The following MYO16 variants were observed in gnomAD, a reference collection of about 807,000 sequenced individuals.
MYO16 encodes the protein myosin XVI.
In MYO16, 94 loss-of-function variants were observed where a neutral mutation model predicts 205.3. That is an observed-to-expected ratio of 0.46 (90% CI 0.39 to 0.54). The LOEUF (loss-of-function observed/expected upper bound fraction) is 0.54. MYO16 is among the 20% of genes least tolerant of loss of function. The probability of loss-of-function intolerance (pLI) is 0.00; values close to 1 mark genes in which losing one functional copy is unlikely to be tolerated. For synonymous variants in MYO16, 988 were observed against 954.0 expected, an observed-to-expected ratio of 1.04 and a Z score of -0.66; for missense variants, 2,315 against 2,387.5, an observed-to-expected ratio of 0.97 and a Z score of 0.63.
At chr13:109,193,575 A>T (rs1880018624) in intron 34 of MYO16, among the ~76,000 whole-genome samples, 1 of 152,242 alleles carries the variant, frequency 6.6e-6, no homozygotes, top group Non-Finnish European at 1.5e-5. Flanking sequence ...GGAAAAAAAA[A>T]TTTGAGAAAT....
intron 24 of MYO16, chr13:109,048,472 G>T (rs371042629): frequency 3.7e-6 from 2 of 540,814 alleles, no homozygotes; most frequent in African/African-American, 3.8e-5. Flanking sequence ...TAAGATCCTT[G>T]TTGCAGTTAC....
chr13:108,544,693 A>G, the MYO16 span, among the ~76,000 whole-genome samples: 1 of 152,294 alleles, frequency 6.6e-6, no homozygotes, highest in African/African-American at 2.4e-5. Flanking sequence ...GGACTTATTT[A>G]TTCTTTAAAA....
chr13:108,737,597 C>A (rs1414272606), intron 4 of MYO16, among the ~76,000 whole-genome samples: 1 of 151,964 alleles, frequency 6.6e-6, no homozygotes, highest in African/African-American at 2.4e-5. Context: ...GTCTAAAATT[C>A]TTTTTTTGTT....
intron 1 of MYO16, among the ~76,000 whole-genome samples, chr13:108,665,123 T>C (rs564255266): frequency 6.6e-6 from 1 of 152,302 alleles, no homozygotes; most frequent in Admixed American, 6.5e-5. Context: ...CCCCACTCTG[T>C]TGCCCAGACT....
chr13:108,961,458 A>T, intron 17 of MYO16, 81 bp from the exon 18 acceptor site: 2 of 1,111,360 alleles, frequency 1.8e-6, no homozygotes, highest in African/African-American at 3.1e-5. Context: ...TTTGTAACTT[A>T]CTTTTAGATA....
intron 1 of MYO16, among the ~76,000 whole-genome samples, chr13:108,611,249 T>A (rs907490906): frequency 3.3e-5 from 5 of 152,206 alleles, no homozygotes; most frequent in Admixed American, 1.3e-4. Flanking sequence ...GGGTGGTGGA[T>A]CTGCTCTATT....
intron 27 of MYO16, among the ~76,000 whole-genome samples, chr13:109,063,360 T>C (rs1887649296): frequency 6.6e-6 from 1 of 152,192 alleles, no homozygotes; most frequent in South Asian, 2.1e-4. Context: ...CTGTCTTCAA[T>C]GGCAAGAGAC....
chr13:108,705,442 A>T (rs1427282274), intron 2 of MYO16, among the ~76,000 whole-genome samples: 3 of 152,200 alleles, frequency 2.0e-5, no homozygotes, highest in Non-Finnish European at 4.4e-5. Flanking sequence ...AAGAAGAATA[A>T]GAGTGAGCAA....
chr13:108,826,691 C>T (rs1182719282), intron 9 of MYO16, among the ~76,000 whole-genome samples: 2 of 151,942 alleles, frequency 1.3e-5, no homozygotes, highest in Admixed American at 6.6e-5. Flanking sequence ...AATAAAAAGA[C>T]AAATAACTCC....
At chr13:109,077,267 G>A (rs1888138716) in intron 27 of MYO16, among the ~76,000 whole-genome samples, 1 of 152,086 alleles carries the variant, frequency 6.6e-6, no homozygotes, top group Non-Finnish European at 1.5e-5. Flanking sequence ...TGATTTTCCT[G>A]CCTTGGCTTC....
At chr13:109,133,915 A>C (rs938210033) in intron 31 of MYO16, among the ~76,000 whole-genome samples, 1 of 152,194 alleles carries the variant, frequency 6.6e-6, no homozygotes, top group African/African-American at 2.4e-5. Context: ...TAAAGAATGA[A>C]TATTTCCAGT....
intron 16 of MYO16, among the ~76,000 whole-genome samples, chr13:108,948,683 G>A (rs964614683): frequency 2.6e-5 from 4 of 152,214 alleles, no homozygotes; most frequent in African/African-American, 4.8e-5. Context: ...TGCTGGATGG[G>A]AACATTTTTT....
chr13:108,727,074 G>C (rs893921676), intron 3 of MYO16, among the ~76,000 whole-genome samples: 1 of 151,390 alleles, frequency 6.6e-6, no homozygotes, highest in African/African-American at 2.4e-5. Flanking sequence ...TTTTAGAGTA[G>C]AAGGGTATTA....
At chr13:109,087,637 G>A (rs1413067215) in intron 27 of MYO16, among the ~76,000 whole-genome samples, 3 of 152,050 alleles carry the variant, frequency 2.0e-5, no homozygotes, top group Non-Finnish European at 4.4e-5. Flanking sequence ...CAAAAGTGTG[G>A]TCTGTCTCAA....
At chr13:108,652,136 T>C (rs937903023) in intron 1 of MYO16, among the ~76,000 whole-genome samples, 3 of 151,800 alleles carry the variant, frequency 2.0e-5, no homozygotes, top group African/African-American at 7.2e-5. Flanking sequence ...GGAGCACAGA[T>C]ACCAATGTGT....
intron 21 of MYO16, among the ~76,000 whole-genome samples, chr13:108,998,264 C>T (rs1405030792): frequency 6.6e-6 from 1 of 152,170 alleles, no homozygotes; most frequent in Non-Finnish European, 1.5e-5. Context: ...TTTGTAAGTG[C>T]ATGGTAGCAG....
At chr13:108,901,400 T>G (rs1187773832) in intron 15 of MYO16, among the ~76,000 whole-genome samples, 2 of 152,166 alleles carry the variant, frequency 1.3e-5, no homozygotes, top group African/African-American at 4.8e-5. Context: ...CTCTCTTTTG[T>G]ACTCTGTCCC....
chr13:108,991,257 A>G (rs1422781068), intron 20 of MYO16, among the ~76,000 whole-genome samples: 1 of 152,136 alleles, frequency 6.6e-6, no homozygotes, highest in Non-Finnish European at 1.5e-5. Context: ...AGTGGCTGTC[A>G]TTGACTTGGG....
At chr13:108,603,853 A>T (rs1466188672) in intron 1 of MYO16, among the ~76,000 whole-genome samples, 1 of 152,168 alleles carries the variant, frequency 6.6e-6, no homozygotes, top group Non-Finnish European at 1.5e-5. Flanking sequence ...ATTATCCTTG[A>T]TCAATAACAA....
Sources: gnomAD v4.1 joint callset for allele counts (sites outside exome capture counted in the v4.1 genomes callset) on GRCh38, gnomAD v4.1.1 for gene constraint, MANE v1.5 for transcripts, NCBI Gene and HGNC (gene_info 2026-07-23, HGNC 2026-07-21) for gene names.